NLK: variants seen among roughly 807,000 people sequenced by gnomAD.
NLK encodes nemo like kinase, also known as serine/threonine-protein kinase NLK.
Under a neutral mutation model 59.0 loss-of-function variants are expected in NLK, and 11 were observed. The ratio of observed to expected loss-of-function variants is 0.19; its 90% CI spans 0.12 to 0.31. NLK has a LOEUF of 0.31. Ranked by LOEUF, NLK falls within the 10% of genes least tolerant of loss-of-function variation. NLK has a pLI of 1.00. For synonymous variants in NLK, 235 were observed against 235.9 expected (o/e 1.00, Z 0.03); for missense variants, 410 against 661.1 (o/e 0.62, Z 4.16).
chr17:28,074,954 A>G (rs1910120923), intron 1 of NLK, among the ~76,000 whole-genome samples: 1 of 152,212 alleles, frequency 6.6e-6, no homozygotes, highest in Admixed American at 6.5e-5. Context: ...TCACTTGTAA[A>G]TGTTTTTATA....
intron 1 of NLK, among the ~76,000 whole-genome samples, chr17:28,111,982 C>T (rs1395551251): frequency 7.0e-6 from 1 of 143,340 alleles, no homozygotes; most frequent in African/African-American, 2.6e-5. Context: ...CAAATATGCC[C>T]AGCTTTTATT....
At position 28,191,207 on chromosome 17, in the gene NLK, C is replaced by T; in HGVS notation, c.1423C>T (p.Arg475Ter). The part of the protein sequence containing the change: ...DTFEKNLSSV[R>*]QVKEIIHQFI... ...TTTCGAGAAGAACCTCAGTTCTGTCCGACAGGTTAAAGGTGAGTATCTGTT... is the reference window on the plus strand; with the variant it reads ...TTTCGAGAAGAACCTCAGTTCTGTCTGACAGGTTAAAGGTGAGTATCTGTT... The change falls in exon 9 of 11, where the codon CGA becomes TGA. Residue 475 changes from arginine to a stop codon, truncating the protein, a stop_gained. Transcript: ENST00000407008. LOFTEE classifies it high-confidence loss of function. 1 of 1,609,588 alleles carries T rather than the reference C, an allele frequency of 6.2e-7. No homozygotes were observed.
intron 3 of NLK, among the ~76,000 whole-genome samples, chr17:28,158,996 A>G (rs768293395): frequency 6.6e-6 from 1 of 152,232 alleles, no homozygotes; most frequent in Non-Finnish European, 1.5e-5. Flanking sequence ...TCATTATATA[A>G]TGTCTGACTG....
intron 1 of NLK, chr17:28,061,841 T>TATATATA (rs898447280): frequency 2.1e-5 from 3 of 143,078 alleles, no homozygotes; most frequent in Non-Finnish European, 4.5e-5. Flanking sequence ...TACATATACA[T>TATATATA]ATATATAATA....
At chr17:28,163,427 C>T (rs1908095777) in intron 4 of NLK, 116 bp from the exon 5 acceptor site, 5 of 609,284 alleles carry the variant, frequency 8.2e-6, no homozygotes, top group Admixed American at 3.1e-5. Flanking sequence ...GTTCATTATG[C>T]AGTTATTTAG....
At chr17:28,152,811 A>T (rs139672093) in intron 3 of NLK, among the ~76,000 whole-genome samples, 72 of 152,046 alleles carry the variant, frequency 4.7e-4, no homozygotes, top group Admixed American at 7.9e-4. Flanking sequence ...TTTTGTAGAG[A>T]CAGGGTGTCA....
intron 1 of NLK, among the ~76,000 whole-genome samples, chr17:28,087,767 A>T (rs1323522338): frequency 6.6e-6 from 1 of 151,158 alleles, no homozygotes; most frequent in Non-Finnish European, 1.5e-5. Context: ...GTATTGGATC[A>T]GTATGTTAGG....
At chr17:28,144,384 T>C (rs1907148021) in intron 3 of NLK, among the ~76,000 whole-genome samples, 1 of 136,128 alleles carries the variant, frequency 7.3e-6, no homozygotes. Flanking sequence ...ACACCTGTGT[T>C]CCAGGTGAAG....
chr17:28,111,905 GT>G (rs1905531133), intron 1 of NLK, among the ~76,000 whole-genome samples: 4 of 110,178 alleles, frequency 3.6e-5, no homozygotes, highest in Non-Finnish European at 5.9e-5. Flanking sequence ...TGGTGTGTGT[GT>G]GTGTGTGTGT....
intron 1 of NLK, among the ~76,000 whole-genome samples, chr17:28,111,899 GTGTGTGT>G (rs1905525217): frequency 4.9e-4 from 37 of 76,232 alleles, no homozygotes; most frequent in African/African-American, 1.1e-3. Context: ...TGTGTGTGGT[GTGTGTGT>G]GTGTGTGTGT....
At chr17:28,048,518 G>A (rs1909139170) in intron 1 of NLK, 1 of 151,890 alleles carries the variant, frequency 6.6e-6, no homozygotes, top group African/African-American at 2.4e-5. Flanking sequence ...AGAGAAATGG[G>A]GGCAGATATA....
chr17:28,191,905 G>A (rs9890417), intron 9 of NLK, among the ~76,000 whole-genome samples: 1,709 of 152,326 alleles, frequency 0.011, 30 homozygotes, highest in African/African-American at 0.039. Context: ...GTTGCAGTCT[G>A]TGTAATGCCA....
At chr17:28,164,673 C>A (rs886310909) in intron 5 of NLK, among the ~76,000 whole-genome samples, 10 of 152,114 alleles carry the variant, frequency 6.6e-5, no homozygotes, top group Non-Finnish European at 1.2e-4. Context: ...GAGAGAGGTC[C>A]ACTATATTTT....
At chr17:28,055,502 G>A (rs910261695) in intron 1 of NLK, among the ~76,000 whole-genome samples, 2 of 151,748 alleles carry the variant, frequency 1.3e-5, no homozygotes, top group African/African-American at 4.8e-5. Context: ...ACACCCAGCT[G>A]TTTTTTTATT....
downstream of NLK, among the ~76,000 whole-genome samples, chr17:28,197,311 A>G (rs576565605): frequency 6.6e-6 from 1 of 152,266 alleles, no homozygotes; most frequent in African/African-American, 2.4e-5. Flanking sequence ...TCTACTAAAA[A>G]TATAAAAATT....
chr17:28,053,294 G>C (rs1909324243), intron 1 of NLK, among the ~76,000 whole-genome samples: 1 of 152,202 alleles, frequency 6.6e-6, no homozygotes, highest in African/African-American at 2.4e-5. Context: ...AAGAACTTGA[G>C]TGGGTATATT....
chr17:28,057,834 T>G (rs1263701487), intron 1 of NLK, among the ~76,000 whole-genome samples: 1 of 152,180 alleles, frequency 6.6e-6, no homozygotes, highest in Non-Finnish European at 1.5e-5. Flanking sequence ...TCCCCAAGGG[T>G]AATGATTATT....
At chr17:28,114,840 GA>G (rs1431138778) in intron 1 of NLK, among the ~76,000 whole-genome samples, 1 of 152,120 alleles carries the variant, frequency 6.6e-6, no homozygotes, top group East Asian at 1.9e-4. Context: ...TCAGGAGAAA[GA>G]AACCACACCA....
intron 1 of NLK, among the ~76,000 whole-genome samples, chr17:28,068,925 C>G (rs201668120): frequency 6.6e-6 from 1 of 152,148 alleles, no homozygotes; most frequent in African/African-American, 2.4e-5. Context: ...GCGATCCTCA[C>G]GCCTCAGCCT....
Sources: gnomAD v4.1 joint callset for allele counts (sites outside exome capture counted in the v4.1 genomes callset) on GRCh38, gnomAD v4.1.1 for gene constraint, MANE v1.5 for transcripts, NCBI Gene and HGNC (gene_info 2026-07-23, HGNC 2026-07-21) for gene names.